The following PRPF31 variants were observed in gnomAD, a reference collection of about 807,000 sequenced individuals.
The protein encoded by PRPF31 is U4/U6 small nuclear ribonucleoprotein Prp31.
In PRPF31, 12 loss-of-function variants were observed where a neutral mutation model predicts 60.4. The observed-to-expected ratio is 0.20, with a 90% CI of 0.13 to 0.32. PRPF31 has a LOEUF of 0.32. Ranked by LOEUF, PRPF31 falls within the 10% of genes least tolerant of loss-of-function variation. The pLI, the probability that PRPF31 is intolerant of heterozygous loss-of-function variation, is 1.00. For synonymous variants in PRPF31, 287 were observed against 287.9 expected (o/e 1.00, Z 0.03); for missense variants, 431 against 687.1 (o/e 0.63, Z 4.17).
chr19:54,130,809 A>G (rs1476892644), intron 13 of PRPF31, among the ~76,000 whole-genome samples: 3 of 152,056 alleles, frequency 2.0e-5, no homozygotes, highest in African/African-American at 7.2e-5. Context: ...AAAAGAACGC[A>G]CAGGAAGCAC....
At chr19:54,129,435 C>G in intron 13 of PRPF31, 65 bp downstream of exon 13, 1 of 1,520,104 alleles carries the variant, frequency 6.6e-7, no homozygotes, top group Middle Eastern at 1.8e-4. Context: ...TGCCCTCTGC[C>G]CCTGTGAAGA....
intron 1 of PRPF31, among the ~76,000 whole-genome samples, chr19:54,116,431 C>T (rs745855292): frequency 8.6e-5 from 13 of 152,006 alleles, no homozygotes; most frequent in Non-Finnish European, 1.8e-4. Flanking sequence ...GTCTCCAACT[C>T]CTGACCTCAG....
chr19:54,128,380 C>G lies in PRPF31; in HGVS notation c.1146+3C>G, dbSNP rs1308117421. On this transcript the variant is annotated splice_donor_region_variant and intron_variant, in intron 11 of 13. Coordinates refer to ENST00000321030, the MANE Select transcript of PRPF31 (RefSeq NM_015629.4). ...CCAACCGTATGAGCTTCGGAGAGGTCAGACTCCCAGAGCGCCCTCCTCAAC... is the reference window on the plus strand; with the variant it reads ...CCAACCGTATGAGCTTCGGAGAGGTGAGACTCCCAGAGCGCCCTCCTCAAC... 55 of 1,504,098 alleles carry G rather than the reference C, an allele frequency of 3.7e-5. No homozygotes were observed. The allele number at this position is 1,504,098 out of a possible 1,614,324, so 93.2% of individuals were successfully genotyped here. A position where few individuals can be genotyped will look rare whatever the true frequency, so the allele number is the denominator to read the frequency against.
intron 13 of PRPF31, among the ~76,000 whole-genome samples, chr19:54,129,873 G>C (rs1280061915): frequency 6.6e-6 from 1 of 151,956 alleles, no homozygotes; most frequent in African/African-American, 2.4e-5. Context: ...GCACCACGGA[G>C]GCGAGACAGC....
intron 3 of PRPF31, among the ~76,000 whole-genome samples, chr19:54,119,199 G>C (rs1488963866): frequency 6.6e-6 from 1 of 152,078 alleles, no homozygotes; most frequent in East Asian, 2.0e-4. Flanking sequence ...TGGCTAACAC[G>C]GTGACACCCC....
chr19:54,124,397 TA>T, intron 7 of PRPF31, 101 bp from the exon 8 acceptor site: 1 of 1,103,760 alleles, frequency 9.1e-7, no homozygotes, highest in Non-Finnish European at 1.4e-6. Flanking sequence ...GAACTTCATG[TA>T]AAGGTGCCCA....
At chr19:54,122,794 C>G in intron 5 of PRPF31, 200 bp downstream of exon 5, 1 of 656,926 alleles carries the variant, frequency 1.5e-6, no homozygotes, top group South Asian at 1.7e-5. Context: ...CCCAGTCTCC[C>G]GAGAGGGCTT....
At chr19:54,120,955 C>T (rs1417336516) in intron 3 of PRPF31, among the ~76,000 whole-genome samples, 4 of 151,964 alleles carry the variant, frequency 2.6e-5, no homozygotes, top group South Asian at 2.1e-4. Context: ...CAGAAACAGA[C>T]GTGGGGTAAG....
chr19:54,131,181 C>G, intron 13 of PRPF31, 126 bp from the exon 14 acceptor site: 5 of 1,363,448 alleles, frequency 3.7e-6, no homozygotes, highest in Non-Finnish European at 4.2e-6. Flanking sequence ...ACTCCAGGGA[C>G]AGGCAAACTG....
rs1555794201 is a variant in PRPF31 at position 54,128,100 on chromosome 19, G to A, written c.973G>A (p.Glu325Lys). 1.9e-6 allele frequency: 3 copies of A among 1,549,580 alleles called. No homozygotes were observed. The highest frequency in any genetic ancestry group is 2.6e-6 in the Non-Finnish European group (3 of 1,147,134). The change falls in exon 10 of 14, where the codon GAG becomes AAG. Residue 325 changes from glutamate to lysine, a missense_variant. By Grantham distance (56) the Glu-to-Lys change is moderately conservative. This residue lies in a region of PRPF31 where 314 missense variants were observed against 475.3 expected (regional missense o/e 0.66). Transcript: ENST00000321030. ...KVGYELKDEIERKFDKWQEPP... is the reference protein window; with the variant it reads ...KVGYELKDEIKRKFDKWQEPP... ...GGGCTACGAACTGAAGGATGAGATCGAGCGCAAATTCGACAAGTGGCAGGA... is the reference window on the plus strand; with the variant it reads ...GGGCTACGAACTGAAGGATGAGATCAAGCGCAAATTCGACAAGTGGCAGGA...
chr19:54,122,629 G>A (rs745763860), intron 5 of PRPF31, 35 bp downstream of exon 5: 20 of 1,553,248 alleles, frequency 1.3e-5, no homozygotes, highest in South Asian at 4.5e-5. Flanking sequence ...TTCTGCTGGC[G>A]TGAAGGGGCA....
chr19:54,129,251 G>A (rs1183996281), intron 12 of PRPF31, 21 bp from the exon 13 acceptor site: 1 of 1,608,768 alleles, frequency 6.2e-7, no homozygotes, highest in Non-Finnish European at 8.5e-7. Flanking sequence ...CCAGATCGCA[G>A]CCTCCCTGTC....
At chr19:54,124,683 C>T in intron 8 of PRPF31, 27 bp downstream of exon 8, 1 of 1,607,558 alleles carries the variant, frequency 6.2e-7, no homozygotes, top group Non-Finnish European at 8.5e-7. Flanking sequence ...ATGGCCCCTC[C>T]CCCGGCCCCC....
At chr19:54,117,477 C>A (rs587626177) in intron 1 of PRPF31, among the ~76,000 whole-genome samples, 4 of 152,254 alleles carry the variant, frequency 2.6e-5, no homozygotes, top group Non-Finnish European at 4.4e-5. Context: ...TCAACAATGG[C>A]CACGTTGTAG....
chr19:54,124,100 T>G (rs1057027541), intron 7 of PRPF31, 182 bp downstream of exon 7: 20 of 1,281,472 alleles, frequency 1.6e-5, no homozygotes, highest in Non-Finnish European at 2.1e-5. Flanking sequence ...GGAAAAACAC[T>G]CACCCACAGC....
intron 1 of PRPF31, among the ~76,000 whole-genome samples, chr19:54,117,098 AAAAAG>A (rs587691623): frequency 5.3e-4 from 80 of 152,266 alleles, no homozygotes; most frequent in East Asian, 9.6e-4. Flanking sequence ...TGGTCTCAAA[AAAAAG>A]AAAAGAAAAG....
chr19:54,119,631 G>A (rs1195312765), intron 3 of PRPF31: 3 of 151,886 alleles, frequency 2.0e-5, no homozygotes, highest in Non-Finnish European at 4.4e-5. Flanking sequence ...TGTATAGCTG[G>A]GATTACAGGT....
chr19:54,129,032 G>A, intron 11 of PRPF31, 25 bp from the exon 12 acceptor site: 1 of 1,561,066 alleles, frequency 6.4e-7, no homozygotes, highest in Non-Finnish European at 8.7e-7. Flanking sequence ...TCGCTGAACT[G>A]CAGGGCGCCT....
At chr19:54,121,408 G>A (rs2073785589) in intron 3 of PRPF31, among the ~76,000 whole-genome samples, 1 of 151,774 alleles carries the variant, frequency 6.6e-6, no homozygotes, top group South Asian at 2.1e-4. Flanking sequence ...GGATGGGGCG[G>A]GAAGGGCGGG....
Sources: allele counts gnomAD v4.1 joint callset (sites outside exome capture counted in the v4.1 genomes callset), GRCh38; gene constraint gnomAD v4.1.1; regional missense constraint gnomAD v4.1.1; transcripts MANE v1.5; gene names NCBI Gene and HGNC (gene_info 2026-07-23, HGNC 2026-07-21).